Variants in PEAK1 observed in about 807,000 individuals in gnomAD.
The protein encoded by PEAK1 is pseudopodium enriched atypical kinase 1, also known as inactive tyrosine-protein kinase PEAK1.
Under a neutral mutation model 124.7 loss-of-function variants are expected in PEAK1, and 54 were observed. The ratio of observed to expected loss-of-function variants is 0.43; its 90% CI spans 0.35 to 0.54. The LOEUF is 0.54. Ranked by LOEUF, PEAK1 falls within the 20% of genes least tolerant of loss-of-function variation. The pLI is 0.01. For missense variants in PEAK1, 2,046 were observed against 2,134.5 expected (o/e 0.96, Z 0.82); for synonymous variants, 719 against 760.0 (o/e 0.95, Z 0.89).
intron 6 of PEAK1, among the ~76,000 whole-genome samples, chr15:77,226,069 ATATATAT>A (rs2059652219): frequency 1.5e-5 from 2 of 136,230 alleles, no homozygotes; most frequent in Non-Finnish European, 3.2e-5. Flanking sequence ...ATATATATAT[ATATATAT>A]ATATATATAT....
chr15:77,287,114 C>A (rs1463208969), intron 2 of PEAK1, among the ~76,000 whole-genome samples: 3 of 151,992 alleles, frequency 2.0e-5, no homozygotes, highest in Non-Finnish European at 4.4e-5. Flanking sequence ...GAAATAGTGA[C>A]CCAGAGAGAT....
In PEAK1 at chr15:77,306,408, G is replaced by A. The variant is rs563611444; in HGVS notation, c.-602-19904C>T. Reference sequence around the variant, plus strand: ...TTTTCAGAAATTATTTGGTTTACCTGCATACACTATTTCCTGGATAAGGCA... The same window carrying A: ...TTTTCAGAAATTATTTGGTTTACCTACATACACTATTTCCTGGATAAGGCA... On this transcript the variant is annotated intron_variant, in intron 2 of 9. Coordinates refer to ENST00000682557, the MANE Select transcript of PEAK1 (RefSeq NM_001385026.1). Among the ~76,000 whole-genome samples, 7 of 152,184 alleles carry A rather than the reference G, an allele frequency of 4.6e-5. No homozygotes were observed. In the East Asian group the frequency reaches 1.4e-3, roughly 29 times the overall value.
chr15:77,122,067 G>A (rs2152723979), intron 9 of PEAK1, among the ~76,000 whole-genome samples: 1 of 152,228 alleles, frequency 6.6e-6, no homozygotes, highest in East Asian at 1.9e-4. Context: ...TGCTATACTT[G>A]CTGCTACAGA....
chr15:77,285,364 TC>T (rs2062871411), intron 3 of PEAK1, among the ~76,000 whole-genome samples: 1 of 152,126 alleles, frequency 6.6e-6, no homozygotes, highest in African/African-American at 2.4e-5. Flanking sequence ...GAGAATACTC[TC>T]CCCCTTTTTA....
At chr15:77,273,746 C>T (rs976759023) in intron 5 of PEAK1, among the ~76,000 whole-genome samples, 19 of 151,954 alleles carry the variant, frequency 1.3e-4, no homozygotes, top group Non-Finnish European at 4.4e-5. Flanking sequence ...ATGAAAATAC[C>T]ACCACCATTC....
In PEAK1 at chr15:77,114,401, G is replaced by C; in HGVS notation, c.4996C>G (p.Leu1666Val). 1 of 1,614,206 alleles carries C rather than the reference G, an allele frequency of 6.2e-7. No individual in the cohort carries two copies. Residue 1666 changes from leucine to valine, a missense_variant, in exon 10 of 10, where the codon CTG becomes GTG. Physicochemically the swap from Leu to Val is conservative, Grantham distance 32. Transcript: ENST00000682557. ...ISDAKGILQC[L>V]LWGPREDLFQ... ...AGATCTTCGCGGGGGCCCCAGAGCA[G>C]ACACTGGAGGATGCCTTTGGCGTCT...
chr15:77,334,701 T>C (rs978651450), intron 2 of PEAK1: 2 of 985,244 alleles, frequency 2.0e-6, no homozygotes, highest in Admixed American at 1.2e-4. Flanking sequence ...ACAATGTGTG[T>C]GCTACATCTC....
intron 8 of PEAK1, among the ~76,000 whole-genome samples, chr15:77,135,863 T>G (rs2053277176): frequency 6.6e-6 from 1 of 152,060 alleles, no homozygotes. Context: ...CTCTTTCTTT[T>G]GTAAATTGCC....
At chr15:77,146,686 T>C (rs1045923718) in intron 8 of PEAK1, among the ~76,000 whole-genome samples, 9 of 152,212 alleles carry the variant, frequency 5.9e-5, no homozygotes. Context: ...TCAACCTCAG[T>C]TTTTTATTTT....
intron 1 of PEAK1, among the ~76,000 whole-genome samples, chr15:77,383,380 T>G (rs891697405): frequency 2.0e-5 from 3 of 152,182 alleles, no homozygotes; most frequent in Non-Finnish European, 4.4e-5. Flanking sequence ...ATAGGAAATC[T>G]GCCTTGAGAA....
At chr15:77,254,409 G>C (rs2061029770) in intron 5 of PEAK1, among the ~76,000 whole-genome samples, 1 of 151,686 alleles carries the variant, frequency 6.6e-6, no homozygotes, top group Admixed American at 6.6e-5. Flanking sequence ...TTCTAACCAA[G>C]TAAGCAGCAA....
At chr15:77,278,615 A>T in intron 5 of PEAK1, 3 of 512,006 alleles carry the variant, frequency 5.9e-6, no homozygotes, top group Non-Finnish European at 1.2e-5. Flanking sequence ...GAACGGAGAG[A>T]AGGTACTCAA....
chr15:77,325,065 TATAAAG>T (rs555173373), intron 2 of PEAK1, among the ~76,000 whole-genome samples: 232 of 152,228 alleles, frequency 1.5e-3, no homozygotes, highest in African/African-American at 5.2e-3. Flanking sequence ...TAGAGTGAAA[TATAAAG>T]ATAATGTGGA....
intron 9 of PEAK1, among the ~76,000 whole-genome samples, chr15:77,126,830 G>C (rs1020826234): frequency 6.6e-6 from 1 of 152,136 alleles, no homozygotes; most frequent in African/African-American, 2.4e-5. Flanking sequence ...AAATAATAAA[G>C]CTAATCATGT....
intron 9 of PEAK1, among the ~76,000 whole-genome samples, 164 bp from the exon 10 acceptor site, chr15:77,115,483 C>G (rs192416496): frequency 1.5e-3 from 235 of 152,204 alleles, no homozygotes; most frequent in African/African-American, 5.5e-3. Context: ...TGGTGGTAAC[C>G]ATTTCTCATG....
chr15:77,207,878 A>G (rs1596617048), intron 6 of PEAK1, among the ~76,000 whole-genome samples: 2 of 152,198 alleles, frequency 1.3e-5, no homozygotes, highest in Admixed American at 6.5e-5. Flanking sequence ...ACCATGTTTT[A>G]CATTTCCAGT....
intron 7 of PEAK1, among the ~76,000 whole-genome samples, chr15:77,172,942 C>T (rs2056610671): frequency 6.6e-6 from 1 of 152,092 alleles, no homozygotes; most frequent in African/African-American, 2.4e-5. Flanking sequence ...TTAGTAGAGA[C>T]AAGGTCTCAT....
intron 9 of PEAK1, among the ~76,000 whole-genome samples, chr15:77,124,963 T>C (rs1426213477): frequency 6.6e-6 from 1 of 152,242 alleles, no homozygotes; most frequent in Non-Finnish European, 1.5e-5. Context: ...CATCTCTGCA[T>C]ACCACTCTGA....
intron 7 of PEAK1, among the ~76,000 whole-genome samples, chr15:77,175,506 T>C (rs1354585331): frequency 4.0e-4 from 60 of 151,786 alleles, no homozygotes; most frequent in African/African-American, 1.4e-3. Flanking sequence ...GAAAAAATGC[T>C]CATCATCACT....
Sources: gnomAD v4.1 joint callset for allele counts (sites outside exome capture counted in the v4.1 genomes callset) on GRCh38, gnomAD v4.1.1 for gene constraint, MANE v1.5 for transcripts, NCBI Gene and HGNC (gene_info 2026-07-23, HGNC 2026-07-21) for gene names.